NAALADL2: variants seen among roughly 807,000 people sequenced by gnomAD.
NAALADL2 encodes the protein N-acetylated alpha-linked acidic dipeptidase like 2.
A neutral mutation model predicts 87.2 loss-of-function variants in NAALADL2; 76 were observed. The ratio of observed to expected loss-of-function variants is 0.87; its 90% CI spans 0.72 to 1.05. NAALADL2 has a LOEUF of 1.05. NAALADL2 is among the 50% of genes least tolerant of loss of function. NAALADL2 has a pLI of 0.00. For synonymous variants in NAALADL2, 354 were observed against 331.0 expected (o/e 1.07, Z -0.75); for missense variants, 1,089 against 945.8 (o/e 1.15, Z -1.99).
At position 175,698,429 on chromosome 3, in the gene NAALADL2, G is replaced by A. The variant is rs1409579816; in HGVS notation, c.1897-38877G>A. ...TATTTATGTATGTATACATATGTAT[G>A]TGTATATATTTATGTATGTATACAT... On this transcript the variant is annotated intron_variant, in intron 11 of 13. Coordinates refer to ENST00000454872, the MANE Select transcript of NAALADL2 (RefSeq NM_207015.3). Among the ~76,000 whole-genome samples, 3 of 133,274 alleles carry A rather than the reference G, an allele frequency of 2.3e-5. 1 individual carries two copies. Among genetic ancestry groups the A allele is most frequent in the East Asian group, 2.1e-4 (1 of 4,762 alleles). 87.4% of individuals were successfully genotyped at this position (133,274 alleles called of 152,430 possible). A position where few individuals can be genotyped will look rare whatever the true frequency, so the allele number is the denominator to read the frequency against.
rs59371769 is a variant in NAALADL2, at chr3:175,746,365, G to GT, written c.1991-8845dup. 8.1e-4 allele frequency among the ~76,000 whole-genome samples: 112 copies of GT among 138,610 alleles called. No homozygotes were observed. The Middle Eastern group carries it at 0.015, about 18-fold the overall frequency. 90.9% of individuals were successfully genotyped at this position (138,610 alleles called of 152,430 possible). On this transcript the variant is annotated intron_variant, in intron 12 of 13. Transcript: ENST00000454872. ...CAAATGATTGAGATCTATGTAATAT[G>GT]TTTTTTTTTTCTAAAAATTAAAAAG...
At chr3:175,318,068 A>G (rs939831098) in intron 4 of NAALADL2, among the ~76,000 whole-genome samples, 1 of 152,162 alleles carries the variant, frequency 6.6e-6, no homozygotes, top group Non-Finnish European at 1.5e-5. Flanking sequence ...AAAATTAACA[A>G]CTGTTATATG....
At chr3:175,309,516 A>C (rs1482637664) in intron 4 of NAALADL2, among the ~76,000 whole-genome samples, 1 of 152,148 alleles carries the variant, frequency 6.6e-6, no homozygotes, top group African/African-American at 2.4e-5. Flanking sequence ...ACAAGCAATA[A>C]ATTATAAAAT....
chr3:175,435,586 T>G (rs1718491585), intron 5 of NAALADL2, among the ~76,000 whole-genome samples: 1 of 152,040 alleles, frequency 6.6e-6, no homozygotes, highest in Non-Finnish European at 1.5e-5. Flanking sequence ...TAGCCAAAAT[T>G]TTATACATAT....
chr3:174,814,845 T>G lies in NAALADL2; in HGVS notation c.-9+77099T>G, dbSNP rs181062062. 1.2e-3 allele frequency among the ~76,000 whole-genome samples: 181 copies of G among 152,252 alleles called. 1 individual carries two copies. The highest frequency in any genetic ancestry group is 3.9e-3 in the African/African-American group (161 of 41,554). On this transcript the variant is annotated intron_variant, in intron 3 of 3. Coordinates refer to the NAALADL2 transcript ENST00000434257. ...TTTCACAAGTAATTTATCCTGACCCTTCGGTTGCAAGCTATGTTACTCACA... is the reference window on the plus strand; with the variant it reads ...TTTCACAAGTAATTTATCCTGACCCGTCGGTTGCAAGCTATGTTACTCACA...
intron 5 of NAALADL2, among the ~76,000 whole-genome samples, chr3:175,410,476 C>T (rs1001623788): frequency 1.3e-5 from 2 of 152,110 alleles, no homozygotes; most frequent in African/African-American, 2.4e-5. Context: ...CTTACACTCA[C>T]CTACTGATTT....
At chr3:175,242,211 C>A (rs868116316) in intron 3 of NAALADL2, among the ~76,000 whole-genome samples, 2 of 152,098 alleles carry the variant, frequency 1.3e-5, no homozygotes, top group African/African-American at 2.4e-5. Context: ...GACTTTTAGT[C>A]ACCGTAATTA....
chr3:175,331,296 T>G (rs186377266), intron 5 of NAALADL2, among the ~76,000 whole-genome samples: 46 of 152,278 alleles, frequency 3.0e-4, no homozygotes, highest in African/African-American at 1.1e-3. Context: ...CATATCTCAT[T>G]CTATCATGCC....
In NAALADL2 at chr3:175,234,326, T is replaced by C. The variant is rs1475985469; in HGVS notation, c.819+122T>C. 2.8e-6 allele frequency: 3 copies of C among 1,057,516 alleles called. No individual in the cohort carries two copies. The African/African-American group carries it at 4.8e-5, about 17-fold the overall frequency. 65.5% of individuals were successfully genotyped at this position (1,057,516 alleles called of 1,614,324 possible). A position where few individuals can be genotyped will look rare whatever the true frequency, so the allele number is the denominator to read the frequency against. ...AAAAGTAACCATTAAATCTTTTCAG[T>C]GTGGAAGTGCCAGGAAAGAGAAGGA... On this transcript the variant is annotated intron_variant, in intron 3 of 13. Coordinates refer to ENST00000454872, the MANE Select transcript of NAALADL2 (RefSeq NM_207015.3).
At chr3:175,137,111 C>T (rs561342005) in intron 2 of NAALADL2, among the ~76,000 whole-genome samples, 3 of 152,144 alleles carry the variant, frequency 2.0e-5, no homozygotes, top group East Asian at 1.9e-4. Context: ...TAGTCTTAAG[C>T]TTGTCTCTTT....
intron 1 of NAALADL2, among the ~76,000 whole-genome samples, chr3:175,073,961 A>G (rs11916909): frequency 0.17 from 26,420 of 151,774 alleles, 3,331 homozygotes; most frequent in African/African-American, 0.35. Flanking sequence ...TTTTCTTTCC[A>G]TGCACCATCT....
At chr3:175,560,738 C>T (rs2149514456) in intron 9 of NAALADL2, among the ~76,000 whole-genome samples, 1 of 152,310 alleles carries the variant, frequency 6.6e-6, no homozygotes, top group South Asian at 2.1e-4. Flanking sequence ...TCTTCTGCCT[C>T]AGCCTCCCAA....
chr3:174,967,179 T>G (rs1255469497), intron 1 of NAALADL2, among the ~76,000 whole-genome samples: 2 of 152,120 alleles, frequency 1.3e-5, no homozygotes, highest in Admixed American at 1.3e-4. Flanking sequence ...TTTAAAGCTC[T>G]CTGATGATTC....
chr3:174,817,806 G>T (rs1373130301), intron 3 of NAALADL2, among the ~76,000 whole-genome samples: 1 of 152,028 alleles, frequency 6.6e-6, no homozygotes, highest in Admixed American at 6.6e-5. Context: ...GCCAGTTTAT[G>T]TCCATTGTCA....
intron 3 of NAALADL2, among the ~76,000 whole-genome samples, chr3:174,782,819 A>G (rs371983376): frequency 5.3e-5 from 8 of 152,088 alleles, no homozygotes; most frequent in South Asian, 2.1e-4. Context: ...CTATCACAAG[A>G]ACAGCATGGA....
At chr3:174,847,089 T>C (rs906008099) in intron 3 of NAALADL2, among the ~76,000 whole-genome samples, 2 of 152,134 alleles carry the variant, frequency 1.3e-5, no homozygotes, top group East Asian at 3.9e-4. Flanking sequence ...AGCAGCTGGG[T>C]TAATGGTATC....
At chr3:174,541,185 A>C (rs571295180) in intron 1 of NAALADL2, among the ~76,000 whole-genome samples, 1 of 152,318 alleles carries the variant, frequency 6.6e-6, no homozygotes, top group Admixed American at 6.5e-5. Context: ...CCTTTTCTGA[A>C]GCCCCTTTCT....
At position 175,273,365 on chromosome 3, in the gene NAALADL2, G is replaced by A. The variant is rs184069046; in HGVS notation, c.939+16835G>A. ...GGTAGCATATTTGCAAGTAACCAAG[G>A]CAATTTATCTTTCTACAAGTATTTC... On this transcript the variant is annotated intron_variant, in intron 4 of 13. Transcript: ENST00000454872. Among the ~76,000 whole-genome samples, 406 of 152,030 alleles carry A rather than the reference G, an allele frequency of 2.7e-3. 2 individuals are homozygous for A. Among genetic ancestry groups the A allele is most frequent in the African/African-American group, 9.3e-3 (384 of 41,480 alleles).
intron 11 of NAALADL2, among the ~76,000 whole-genome samples, chr3:175,644,204 T>C (rs1051135397): frequency 6.6e-6 from 1 of 152,158 alleles, no homozygotes; most frequent in Non-Finnish European, 1.5e-5. Context: ...TTTGTCAATT[T>C]CATGTGTTGA....
Sources: allele counts gnomAD v4.1 joint callset (sites outside exome capture counted in the v4.1 genomes callset), GRCh38; gene constraint gnomAD v4.1.1; transcripts MANE v1.5; gene names NCBI Gene and HGNC (gene_info 2026-07-23, HGNC 2026-07-21).